ARAP2: variants seen among roughly 807,000 people sequenced by gnomAD.
ARAP2 encodes the protein arf-GAP with Rho-GAP domain, ANK repeat and PH domain-containing protein 2.
In ARAP2, 148 loss-of-function variants were observed where a neutral mutation model predicts 194.5. That is an observed-to-expected ratio of 0.76 (90% CI 0.67 to 0.87). The LOEUF is 0.87. ARAP2 is among the 40% of genes least tolerant of loss of function. The probability of loss-of-function intolerance (pLI) is 0.00; values close to 1 mark genes in which losing one functional copy is unlikely to be tolerated. For synonymous variants in ARAP2, 695 were observed against 683.5 expected, an observed-to-expected ratio of 1.02 and a Z score of -0.26; for missense variants, 2,128 against 1,989.7, an observed-to-expected ratio of 1.07 and a Z score of -1.32.
At chr4:36,107,165 T>C (rs1244785430) in intron 27 of ARAP2, among the ~76,000 whole-genome samples, 1 of 152,012 alleles carries the variant, frequency 6.6e-6, no homozygotes, top group Non-Finnish European at 1.5e-5. Context: ...GTGAGATATA[T>C]AGCAAGCACT....
chr4:36,243,737 C>A (rs1314328035), intron 1 of ARAP2: 1 of 152,146 alleles, frequency 6.6e-6, no homozygotes, highest in Admixed American at 6.5e-5. Context: ...CAGGTGGAAG[C>A]CAAATGATCG....
chr4:36,107,541 G>T (rs768986936), intron 27 of ARAP2, 24 bp downstream of exon 27: 1 of 1,585,630 alleles, frequency 6.3e-7, no homozygotes, highest in South Asian at 1.2e-5. Flanking sequence ...AATCATAGCT[G>T]CAATGTGAAG....
intron 9 of ARAP2, among the ~76,000 whole-genome samples, chr4:36,010,919 G>T (rs1327952238): frequency 6.6e-6 from 1 of 152,038 alleles, no homozygotes; most frequent in East Asian, 1.9e-4. Flanking sequence ...TATTGCCCAA[G>T]TATTTTATCA....
chr4:36,138,206 C>T (rs762387049), intron 19 of ARAP2, among the ~76,000 whole-genome samples: 2 of 151,626 alleles, frequency 1.3e-5, no homozygotes, highest in Non-Finnish European at 3.0e-5. Flanking sequence ...TGTGTTATTT[C>T]TGTGAGTGAT....
chr4:36,066,012 T>TA lies in ARAP2; in HGVS notation c.*1894dup, dbSNP rs1725364142. On this transcript the variant is annotated 3_prime_UTR_variant, in exon 33 of 33. Coordinates refer to ENST00000303965, the MANE Select transcript of ARAP2 (RefSeq NM_015230.4). ...ATAAAGTCACATTCAAGTAGACTTGTAAAACAATTTTAATGTTTACTCAAA... is the reference window on the plus strand; with the variant it reads ...ATAAAGTCACATTCAAGTAGACTTGTAAAAACAATTTTAATGTTTACTCAAA... 2 of 152,226 alleles carry TA rather than the reference T, an allele frequency of 1.3e-5. No homozygotes were observed. The highest frequency in any genetic ancestry group is 4.1e-4 in the South Asian group (2 of 4,834). The allele number at this position is 152,226 out of a possible 1,614,324, so 9.4% of individuals were successfully genotyped here.
In ARAP2 at chr4:36,229,221, G is replaced by A. The variant is rs35822395; in HGVS notation, c.266C>T (p.Pro89Leu). Residue 89 changes from proline to leucine, a missense_variant, in exon 2 of 33, where the codon CCT becomes CTT. Transcript: ENST00000303965. ...NVHKTKKNDD[P>L]SKDYHVPSSD... is the part of the protein sequence containing the mutation. ...AGATGGAACATGGTAATCCTTTGAA[G>A]GGTCATCATTCTTCTTAGTTTTATG... is the stretch of plus-strand genomic sequence containing the variant. 15,748 of 1,614,032 alleles carry A rather than the reference G, an allele frequency of 9.8e-3. 97 individuals are homozygous for A. Among genetic ancestry groups the A allele is most frequent in the Middle Eastern group, 0.015 (92 of 6,058 alleles).
intron 5 of ARAP2, among the ~76,000 whole-genome samples, chr4:36,041,166 T>C (rs772231833): frequency 7.9e-5 from 12 of 152,110 alleles, no homozygotes; most frequent in Non-Finnish European, 8.8e-5. Flanking sequence ...AGGGCAAAAA[T>C]TGACAAATGT....
chr4:36,024,902 A>G (rs185533425), intron 5 of ARAP2, among the ~76,000 whole-genome samples: 1 of 152,290 alleles, frequency 6.6e-6, no homozygotes, highest in Non-Finnish European at 1.5e-5. Flanking sequence ...ACTTTCTGCT[A>G]GTCCTTGAAA....
intron 13 of ARAP2, 173 bp downstream of exon 13, chr4:36,160,286 G>T: frequency 8.2e-7 from 1 of 1,218,806 alleles, no homozygotes; most frequent in Non-Finnish European, 1.0e-6. Context: ...TTTTGACAAT[G>T]AATCCTTAAA....
chr4:36,143,227 G>T (rs13114043), intron 19 of ARAP2, among the ~76,000 whole-genome samples: 115,988 of 151,584 alleles, frequency 0.77, 44,976 homozygotes, highest in Middle Eastern at 0.86. Flanking sequence ...TTATGCACAC[G>T]GTGGACCTCC....
At position 36,147,536 on chromosome 4, in the gene ARAP2, A is replaced by G. The variant is rs1340384753; in HGVS notation, c.3199+12T>C. On this transcript the variant is annotated intron_variant, in intron 18 of 32. Coordinates refer to ENST00000303965, the MANE Select transcript of ARAP2 (RefSeq NM_015230.4). ...AAGTGTTCCAAAGATAAGGGAAGAA[A>G]AAAGCTCTTACTTAGCTCTTGCAGT... 6.3e-7 allele frequency: 1 copy of G among 1,599,080 alleles called. No homozygotes were observed. Among genetic ancestry groups the G allele is most frequent in the Non-Finnish European group, 8.5e-7 (1 of 1,175,200 alleles).
At chr4:36,046,018 T>C (rs1721780747) in exon 5 of ARAP2, 1 of 152,134 alleles carries the variant, frequency 6.6e-6, no homozygotes, top group Non-Finnish European at 1.5e-5. Flanking sequence ...TTCAGTAAAA[T>C]TTCAGAATGC....
intron 1 of ARAP2, among the ~76,000 whole-genome samples, chr4:36,237,398 G>A (rs1242108885): frequency 6.6e-6 from 1 of 152,148 alleles, no homozygotes; most frequent in Non-Finnish European, 1.5e-5. Context: ...AATTTCATGT[G>A]GAAATGTGAC....
rs1287597269 is a variant in ARAP2 at position 36,205,114 on chromosome 4, CAAA to C, written c.1487+5273_1487+5275del. On this transcript the variant is annotated intron_variant, in intron 6 of 32. Transcript: ENST00000303965. ...ATTAATCATACTATGCTACATTGTT[CAAA>C]AATGAGTAGCCTTTATAGTTATACT... Among the ~76,000 whole-genome samples, 3 of 148,282 alleles carry C rather than the reference CAAA, an allele frequency of 2.0e-5. No individual in the cohort carries two copies. In the East Asian group the frequency reaches 6.0e-4, roughly 30 times the overall value.
At chr4:36,240,594 C>T (rs1303875853) in intron 1 of ARAP2, among the ~76,000 whole-genome samples, 1 of 152,134 alleles carries the variant, frequency 6.6e-6, no homozygotes, top group Admixed American at 6.6e-5. Flanking sequence ...ATAGTGCCTA[C>T]CTCACGGGGA....
intron 6 of ARAP2, 147 bp from the exon 7 acceptor site, chr4:36,193,794 G>A (rs772009896): frequency 3.4e-6 from 2 of 583,776 alleles, no homozygotes; most frequent in Non-Finnish European, 2.8e-6. Context: ...CACAGTTTTG[G>A]CCATGGCACA....
intron 2 of ARAP2, among the ~76,000 whole-genome samples, chr4:36,223,689 T>C (rs1442405415): frequency 6.6e-6 from 1 of 151,346 alleles, no homozygotes; most frequent in African/African-American, 2.4e-5. Flanking sequence ...ATAGAACTGG[T>C]AGCCTTCTAA....
intron 32 of ARAP2, among the ~76,000 whole-genome samples, chr4:36,072,944 G>A (rs1030268357): frequency 3.9e-5 from 6 of 152,250 alleles, no homozygotes; most frequent in Admixed American, 3.9e-4. Flanking sequence ...TTTCTGTTTG[G>A]AGAGCAAAAG....
chr4:36,014,396 C>A (rs1715403033), intron 8 of ARAP2, among the ~76,000 whole-genome samples: 1 of 147,410 alleles, frequency 6.8e-6, no homozygotes, highest in African/African-American at 2.7e-5. Context: ...ATGTAAGTAG[C>A]AACCACTGCC....
Sources: gnomAD v4.1 joint callset for allele counts (sites outside exome capture counted in the v4.1 genomes callset) on GRCh38, gnomAD v4.1.1 for gene constraint, MANE v1.5 for transcripts, NCBI Gene and HGNC (gene_info 2026-07-23, HGNC 2026-07-21) for gene names.